SPIDR: variants seen among roughly 807,000 people sequenced by gnomAD.
The protein encoded by SPIDR is DNA repair-scaffolding protein.
A neutral mutation model predicts 104.6 loss-of-function variants in SPIDR; 93 were observed. That is an observed-to-expected ratio of 0.89 (90% CI 0.75 to 1.06). The LOEUF (loss-of-function observed/expected upper bound fraction) is 1.06, where lower values mean the gene tolerates loss of function less well. Ranked by LOEUF, SPIDR falls within the 50% of genes least tolerant of loss-of-function variation. The pLI is 0.00. For missense variants in SPIDR, 1,154 were observed against 1,111.2 expected, an observed-to-expected ratio of 1.04 and a Z score of -0.55; for synonymous variants, 431 against 416.9, an observed-to-expected ratio of 1.03 and a Z score of -0.41.
intron 10 of SPIDR, among the ~76,000 whole-genome samples, chr8:47,652,254 A>T (rs1369698027): frequency 6.6e-6 from 1 of 152,198 alleles, no homozygotes; most frequent in Admixed American, 6.5e-5. Context: ...GGAAAGAGAG[A>T]GTGACATACG....
chr8:47,634,818 A>G (rs1295403960), intron 10 of SPIDR, among the ~76,000 whole-genome samples: 2 of 152,224 alleles, frequency 1.3e-5, no homozygotes, highest in Non-Finnish European at 2.9e-5. Context: ...TAGCTTCCAC[A>G]GAACATTTGT....
At chr8:47,265,135 C>T (rs1463605408) in intron 1 of SPIDR, among the ~76,000 whole-genome samples, 5 of 150,516 alleles carry the variant, frequency 3.3e-5, no homozygotes, top group Admixed American at 2.6e-4. Context: ...GAATGATTTA[C>T]TGGTGGCTCT....
intron 5 of SPIDR, among the ~76,000 whole-genome samples, chr8:47,341,889 C>G (rs1554614278): frequency 6.6e-6 from 1 of 152,176 alleles, no homozygotes; most frequent in African/African-American, 2.4e-5. Flanking sequence ...ACAGAATCTT[C>G]CCCTCTGCAG....
chr8:47,422,312 G>T (rs2065646714), intron 7 of SPIDR, among the ~76,000 whole-genome samples: 1 of 152,140 alleles, frequency 6.6e-6, no homozygotes, highest in African/African-American at 2.4e-5. Flanking sequence ...GCAATGGCGG[G>T]CTCCCCTCCC....
chr8:47,346,612 T>C (rs2052111802), intron 5 of SPIDR, among the ~76,000 whole-genome samples: 1 of 152,134 alleles, frequency 6.6e-6, no homozygotes, highest in African/African-American at 2.4e-5. Context: ...TTTTTTTGCT[T>C]GGTAGGCTAT....
intron 5 of SPIDR, among the ~76,000 whole-genome samples, chr8:47,392,002 A>T (rs1588098997): frequency 6.6e-6 from 1 of 151,180 alleles, no homozygotes; most frequent in East Asian, 1.9e-4. Context: ...TCTCAAAAAA[A>T]AAAAAAAAAA....
intron 6 of SPIDR, among the ~76,000 whole-genome samples, chr8:47,404,224 G>A (rs1554665760): frequency 6.6e-6 from 1 of 152,202 alleles, no homozygotes; most frequent in Non-Finnish European, 1.5e-5. Flanking sequence ...AGCATTAAAT[G>A]TTAAACCTAA....
At chr8:47,424,503 A>T (rs968105275) in intron 7 of SPIDR, among the ~76,000 whole-genome samples, 82 of 152,098 alleles carry the variant, frequency 5.4e-4, no homozygotes, top group African/African-American at 1.9e-3. Flanking sequence ...TTCTCTACAG[A>T]AATGGAGTCT....
chr8:47,453,561 C>T (rs980528555), intron 8 of SPIDR, among the ~76,000 whole-genome samples: 13 of 152,122 alleles, frequency 8.5e-5, no homozygotes, highest in Non-Finnish European at 1.6e-4. Flanking sequence ...GAAATAATAC[C>T]ACACATCTAC....
rs144636584 is a variant in SPIDR at position 47,461,770 on chromosome 8, T to C, written c.1097+21228T>C. On this transcript the variant is annotated intron_variant, in intron 8 of 19. Coordinates refer to ENST00000297423, the MANE Select transcript of SPIDR (RefSeq NM_001080394.4). ...ACTGTTTTATTTCCTGAAGTTGTGATTTTTTTTTAATTTATGCTATTTCAC... is the reference window on the plus strand; with the variant it reads ...ACTGTTTTATTTCCTGAAGTTGTGACTTTTTTTTAATTTATGCTATTTCAC... 4.8e-3 allele frequency among the ~76,000 whole-genome samples: 723 copies of C among 151,420 alleles called. 5 individuals are homozygous for C. Among genetic ancestry groups the C allele is most frequent in the African/African-American group, 0.017 (686 of 41,388 alleles).
intron 8 of SPIDR, among the ~76,000 whole-genome samples, chr8:47,491,424 CTG>C (rs2078686770): frequency 6.6e-6 from 1 of 151,878 alleles, no homozygotes; most frequent in African/African-American, 2.4e-5. Flanking sequence ...AGTTTATTAT[CTG>C]TGGTTCAGCA....
At chr8:47,447,278 G>A (rs1374908375) in intron 8 of SPIDR, among the ~76,000 whole-genome samples, 1 of 152,100 alleles carries the variant, frequency 6.6e-6, no homozygotes, top group African/African-American at 2.4e-5. Flanking sequence ...CAGTGGCACA[G>A]TCTCGGCTCA....
intron 8 of SPIDR, among the ~76,000 whole-genome samples, chr8:47,521,565 A>G (rs1181704882): frequency 6.6e-6 from 1 of 151,250 alleles, no homozygotes; most frequent in Non-Finnish European, 1.5e-5. Flanking sequence ...CTGGGATTAC[A>G]GGCACGCACC....
intron 11 of SPIDR, among the ~76,000 whole-genome samples, chr8:47,692,403 C>G (rs1563561832): frequency 6.6e-6 from 1 of 151,932 alleles, no homozygotes; most frequent in Non-Finnish European, 1.5e-5. Flanking sequence ...GTCAGTGGAA[C>G]CATACAGATG....
At chr8:47,463,696 A>G (rs1293596667) in intron 8 of SPIDR, among the ~76,000 whole-genome samples, 1 of 152,230 alleles carries the variant, frequency 6.6e-6, no homozygotes, top group African/African-American at 2.4e-5. Context: ...ATTTCCCAGA[A>G]TACAAGAATA....
In SPIDR at chr8:47,304,099, C is replaced by T. The variant is rs2154250188; in HGVS notation, c.525+10069C>T. The stretch of plus-strand genomic sequence containing the variant: ...TTATAATTTATTTTATTGGTATCTT[C>T]CAAGAAGCATTTGCTATGGTTTGAA... On this transcript the variant is annotated intron_variant, in intron 5 of 19. Transcript: ENST00000297423. Among the ~76,000 whole-genome samples the T allele has an allele frequency of 2.0e-5, 3 of 152,180 alleles. No homozygotes were observed. The South Asian group carries it at 6.2e-4, about 32-fold the overall frequency.
At chr8:47,326,662 C>A (rs1489915210) in intron 5 of SPIDR, among the ~76,000 whole-genome samples, 3 of 152,216 alleles carry the variant, frequency 2.0e-5, no homozygotes, top group Non-Finnish European at 4.4e-5. Context: ...CTTTCTGTCT[C>A]TGTAGTTTTA....
At chr8:47,448,769 G>T (rs1193166348) in intron 8 of SPIDR, among the ~76,000 whole-genome samples, 2 of 152,074 alleles carry the variant, frequency 1.3e-5, no homozygotes, top group African/African-American at 4.8e-5. Flanking sequence ...AGCTAAAAGG[G>T]CTATGTTAGA....
At chr8:47,308,061 GTTTGT>G (rs1159973392) in intron 5 of SPIDR, among the ~76,000 whole-genome samples, 3 of 151,718 alleles carry the variant, frequency 2.0e-5, no homozygotes, top group African/African-American at 4.8e-5. Context: ...AGCATTTGCT[GTTTGT>G]TTTGTTTTGT....
Sources: allele counts gnomAD v4.1 joint callset (sites outside exome capture counted in the v4.1 genomes callset), GRCh38; gene constraint gnomAD v4.1.1; transcripts MANE v1.5; gene names NCBI Gene and HGNC (gene_info 2026-07-23, HGNC 2026-07-21).